The following TEX11 variants were observed in gnomAD, a reference collection of about 807,000 sequenced individuals.
TEX11 encodes the protein testis-expressed protein 11.
A neutral mutation model predicts 84.4 loss-of-function variants in TEX11; 7 were observed. That is an observed-to-expected ratio of 0.08 (90% CI 0.05 to 0.16). TEX11 has a LOEUF of 0.16. TEX11 is among the 10% of genes least tolerant of loss of function. The pLI, the probability that TEX11 is intolerant of heterozygous loss-of-function variation, is 1.00. For synonymous variants in TEX11, 264 were observed against 222.8 expected (o/e 1.18, Z -1.64); for missense variants, 551 against 660.5 (o/e 0.83, Z 1.82).
intron 25 of TEX11, 100 bp from the exon 26 acceptor site, chrX:70,554,900 A>G (rs752875208): frequency 4.3e-5 from 35 of 823,290 alleles, no homozygotes; most frequent in Non-Finnish European, 5.4e-5. Flanking sequence ...TCTAAGAAAT[A>G]TTAATTTTAC....
intron 9 of TEX11, among the ~76,000 whole-genome samples, chrX:70,790,125 G>C (rs7886816): frequency 0.072 from 8,019 of 111,831 alleles, 597 homozygotes; most frequent in African/African-American, 0.22. Context: ...TACAGAGACA[G>C]AGCTGTGGAG....
In TEX11 at chrX:70,539,034, A is replaced by AT. The variant is rs1177299021; in HGVS notation, c.2521-9036dup. Among the ~76,000 whole-genome samples, 4 of 16,099 alleles carry AT rather than the reference A, an allele frequency of 2.5e-4. No homozygotes were observed. The East Asian group carries it at 0.04, about 163-fold the overall frequency. 14.0% of individuals were successfully genotyped at this position (16,099 alleles called of 115,157 possible). On this transcript the variant is annotated intron_variant, in intron 28 of 29. Coordinates refer to ENST00000374333, the MANE Select transcript of TEX11 (RefSeq NM_031276.3). ...GACACTTGGAAATATATATATATAT[A>AT]TATATTTTTTTTTTTTTTAAGATGG...
downstream of TEX11, among the ~76,000 whole-genome samples, chrX:70,525,256 G>T (rs776755047): frequency 9.0e-6 from 1 of 110,749 alleles, no homozygotes; most frequent in East Asian, 2.8e-4. Flanking sequence ...AAAAGACTTA[G>T]AAGTTTTCAT....
At chrX:70,905,804 G>A (rs2091825835) in intron 2 of TEX11, among the ~76,000 whole-genome samples, 1 of 107,474 alleles carries the variant, frequency 9.3e-6, no homozygotes, top group Admixed American at 1.0e-4. Flanking sequence ...GTAATCCTAA[G>A]ACTTTGGGAG....
At chrX:70,552,533 T>G (rs1225659347) in intron 27 of TEX11, among the ~76,000 whole-genome samples, 1 of 111,532 alleles carries the variant, frequency 9.0e-6, no homozygotes, top group East Asian at 2.8e-4. Flanking sequence ...TGGTTCAATT[T>G]ACAGGCATTT....
chrX:70,564,642 A>G (rs1382893266), intron 25 of TEX11, among the ~76,000 whole-genome samples: 1 of 100,728 alleles, frequency 9.9e-6, no homozygotes, highest in Admixed American at 1.2e-4. Flanking sequence ...CCTATTAGGG[A>G]GAACATACAG....
At chrX:70,724,336 G>C in intron 12 of TEX11, 1 of 456,559 alleles carries the variant, frequency 2.2e-6, no homozygotes, top group Non-Finnish European at 2.7e-6. Flanking sequence ...GAGCTTCTGA[G>C]GTCTCTTAAG....
intron 13 of TEX11, among the ~76,000 whole-genome samples, chrX:70,713,244 A>G (rs1810327076): frequency 8.9e-6 from 1 of 111,829 alleles, no homozygotes; most frequent in Non-Finnish European, 1.9e-5. Flanking sequence ...ATATTGGTCT[A>G]AAATTCTCTT....
At chrX:70,732,105 C>A (rs138285033) in intron 11 of TEX11, among the ~76,000 whole-genome samples, 6 of 111,121 alleles carry the variant, frequency 5.4e-5, no homozygotes, top group East Asian at 2.8e-4. Context: ...ATTCAACAAC[C>A]CTTCATGCTA....
rs1452104874 is a variant in TEX11, at chrX:70,554,781, T to A, written c.2160A>T (p.Ser720=). 8.3e-7 allele frequency: 1 copy of A among 1,205,630 alleles called. No individual in the cohort carries two copies. Among genetic ancestry groups the A allele is most frequent in the Admixed American group, 2.2e-5 (1 of 45,014 alleles). ...LKQTGTFSND[S]CEKLLLLYEF... is the part of the protein sequence containing the mutation. ...CGTACAGCAGAAGCAATTTCTCACA[T>A]GAATCATTTGAGAAGGTCCCTAAGA... Residue 720 remains serine, a synonymous_variant, in exon 26 of 30, where the codon TCA becomes TCT. Transcript: ENST00000374333.
chrX:70,668,720 T>C (rs1002241474), intron 16 of TEX11, among the ~76,000 whole-genome samples: 1 of 112,321 alleles, frequency 8.9e-6, no homozygotes, highest in Non-Finnish European at 1.9e-5. Context: ...AGGACCAAAC[T>C]TGACATTAGA....
intron 10 of TEX11, among the ~76,000 whole-genome samples, chrX:70,741,121 A>C (rs924028251): frequency 2.7e-5 from 3 of 111,696 alleles, no homozygotes; most frequent in African/African-American, 9.7e-5. Context: ...AGGCAGAGCA[A>C]TATTTCATTT....
chrX:70,775,344 A>T (rs2147780531), intron 9 of TEX11, among the ~76,000 whole-genome samples: 1 of 111,677 alleles, frequency 9.0e-6, no homozygotes, highest in East Asian at 2.8e-4. Flanking sequence ...ATGGTACCAT[A>T]TTAAATTAAA....
intron 25 of TEX11, among the ~76,000 whole-genome samples, chrX:70,567,049 T>G (rs1354695103): frequency 9.0e-6 from 1 of 111,571 alleles, no homozygotes; most frequent in African/African-American, 3.3e-5. Context: ...TCTTTTTGGT[T>G]GGTAAGCTAT....
chrX:70,757,684 C>G (rs965116714), intron 9 of TEX11, among the ~76,000 whole-genome samples: 1 of 111,706 alleles, frequency 9.0e-6, no homozygotes, highest in Non-Finnish European at 1.9e-5. Context: ...ATTGTAAAGA[C>G]CGTCTATGCT....
At chrX:70,786,406 A>T (rs1372474953) in intron 9 of TEX11, among the ~76,000 whole-genome samples, 1 of 111,620 alleles carries the variant, frequency 9.0e-6, no homozygotes, top group African/African-American at 3.3e-5. Flanking sequence ...CCAACATGGC[A>T]CATGTATACC....
intron 16 of TEX11, among the ~76,000 whole-genome samples, chrX:70,657,234 C>A (rs759532941): frequency 9.0e-6 from 1 of 110,648 alleles, no homozygotes; most frequent in Non-Finnish European, 1.9e-5. Context: ...GGGTGTACAC[C>A]AAAAGACAGA....
At chrX:70,860,674 G>C (rs998980503) in intron 5 of TEX11, among the ~76,000 whole-genome samples, 183 bp downstream of exon 5, 2 of 111,919 alleles carry the variant, frequency 1.8e-5, no homozygotes, top group African/African-American at 6.5e-5. Flanking sequence ...AATTACTACA[G>C]TATTCTGAGA....
intron 13 of TEX11, among the ~76,000 whole-genome samples, chrX:70,707,697 A>G (rs1467705677): frequency 9.0e-6 from 1 of 111,535 alleles, no homozygotes; most frequent in Non-Finnish European, 1.9e-5. Flanking sequence ...TGTGTTTGTT[A>G]TATTTCTTGT....
Sources: allele counts gnomAD v4.1 joint callset (sites outside exome capture counted in the v4.1 genomes callset), GRCh38; gene constraint gnomAD v4.1.1; transcripts MANE v1.5; gene names NCBI Gene and HGNC (gene_info 2026-07-23, HGNC 2026-07-21).